The following ZNF362 variants were observed in gnomAD, a reference collection of about 807,000 sequenced individuals.
ZNF362 encodes zinc finger protein 362.
A neutral mutation model predicts 42.9 loss-of-function variants in ZNF362; 11 were observed. The ratio of observed to expected loss-of-function variants is 0.26; its 90% CI spans 0.16 to 0.42. The LOEUF (loss-of-function observed/expected upper bound fraction) is 0.42, where lower values mean the gene tolerates loss of function less well. Ranked by LOEUF, ZNF362 falls within the 20% of genes least tolerant of loss-of-function variation. ZNF362 has a pLI of 1.00. For missense variants in ZNF362, 362 were observed against 576.2 expected (o/e 0.63, Z 3.81); for synonymous variants, 255 against 257.3 (o/e 0.99, Z 0.09).
chr1:33,282,762 C>A (rs1189779196), intron 6 of ZNF362, among the ~76,000 whole-genome samples: 1 of 149,886 alleles, frequency 6.7e-6, no homozygotes, highest in Non-Finnish European at 1.5e-5. Context: ...ATGGAGGCTG[C>A]AGTGAGCCGA....
intron 8 of ZNF362, among the ~76,000 whole-genome samples, chr1:33,296,870 A>G (rs1021962961): frequency 7.4e-6 from 1 of 135,688 alleles, no homozygotes; most frequent in Non-Finnish European, 1.5e-5. Flanking sequence ...GGGTCTTGCT[A>G]TGTTGCCCAG....
chr1:33,176,343 GC>G, the ZNF362 span: 2 of 642,716 alleles, frequency 3.1e-6, no homozygotes, highest in South Asian at 1.6e-5. Flanking sequence ...TTTGAACCTA[GC>G]CCCCAGCCCC....
chr1:33,173,437 GTA>G, the ZNF362 span, among the ~76,000 whole-genome samples: 1 of 152,148 alleles, frequency 6.6e-6, no homozygotes, highest in East Asian at 1.9e-4. Flanking sequence ...GTGTATGTGT[GTA>G]TGTGTGTGTG....
chr1:33,267,983 C>G (rs917915358), intron 1 of ZNF362, among the ~76,000 whole-genome samples: 1 of 152,198 alleles, frequency 6.6e-6, no homozygotes, highest in African/African-American at 2.4e-5. Context: ...AATACATGAG[C>G]GTGCCAATTT....
At chr1:33,231,754 G>A in the ZNF362 span, among the ~76,000 whole-genome samples, 1 of 152,242 alleles carries the variant, frequency 6.6e-6, no homozygotes, top group African/African-American at 2.4e-5. Context: ...CTGAATGAGC[G>A]AATGATGGAT....
chr1:33,241,197 T>C, the ZNF362 span, among the ~76,000 whole-genome samples: 2 of 151,890 alleles, frequency 1.3e-5, no homozygotes, highest in Non-Finnish European at 2.9e-5. Flanking sequence ...TATCAAGCTT[T>C]AAAAAATTAT....
At chr1:33,296,208 G>A (rs188362925) in intron 8 of ZNF362, among the ~76,000 whole-genome samples, 38 of 152,314 alleles carry the variant, frequency 2.5e-4, no homozygotes, top group Admixed American at 1.6e-3. Flanking sequence ...CACTGTGGGC[G>A]CTGGCCTGCA....
the ZNF362 span, chr1:33,158,302 G>A: frequency 5.4e-5 from 87 of 1,614,082 alleles, no homozygotes; most frequent in African/African-American, 1.0e-3. Context: ...ACTGCAGGGG[G>A]CCTGTGTACT....
In ZNF362 at chr1:33,299,135, G is replaced by C; in HGVS notation, c.*89G>C. 2 of 961,736 alleles carry C rather than the reference G, an allele frequency of 2.1e-6. No homozygotes were observed. Among genetic ancestry groups the C allele is most frequent in the Non-Finnish European group, 3.2e-6 (2 of 615,564 alleles). The allele number at this position is 961,736 out of a possible 1,614,324, so 59.6% of individuals were successfully genotyped here. On this transcript the variant is annotated 3_prime_UTR_variant, in exon 9 of 9. Coordinates refer to ENST00000539719, the MANE Select transcript of ZNF362 (RefSeq NM_152493.3). ...CCAGCTCCCTCCGGGGGCCCTCCAG[G>C]AACCACCAAGCTCTCTCACGACCTT... is the stretch of plus-strand genomic sequence containing the variant.
At chr1:33,219,179 G>T in the ZNF362 span, among the ~76,000 whole-genome samples, 1 of 152,154 alleles carries the variant, frequency 6.6e-6, no homozygotes, top group Non-Finnish European at 1.5e-5. Context: ...GCTGGGGGCT[G>T]GGTGTGACAT....
the ZNF362 span, among the ~76,000 whole-genome samples, chr1:33,211,819 C>T: frequency 6.6e-6 from 1 of 152,146 alleles, no homozygotes; most frequent in African/African-American, 2.4e-5. Context: ...GGATAGTATC[C>T]TGAAGAATGT....
At chr1:33,214,427 T>A in the ZNF362 span, among the ~76,000 whole-genome samples, 2 of 152,310 alleles carry the variant, frequency 1.3e-5, no homozygotes, top group African/African-American at 4.8e-5. Flanking sequence ...TCTAGGACAT[T>A]GGTCTGGGCA....
the ZNF362 span, among the ~76,000 whole-genome samples, chr1:33,141,264 C>T: frequency 6.6e-6 from 1 of 152,040 alleles, no homozygotes; most frequent in Non-Finnish European, 1.5e-5. Flanking sequence ...CTCCTCTGAG[C>T]ACCTCCCTCC....
rs1416871455 is a variant in ZNF362, at chr1:33,299,212, G to C, written c.*166G>C. The C allele has an allele frequency of 6.7e-6, 4 of 600,874 alleles. No homozygotes were observed. Among genetic ancestry groups the C allele is most frequent in the Non-Finnish European group, 1.2e-5 (4 of 338,326 alleles). 37.2% of individuals were successfully genotyped at this position (600,874 alleles called of 1,614,324 possible). On this transcript the variant is annotated 3_prime_UTR_variant, in exon 9 of 9. Coordinates refer to ENST00000539719, the MANE Select transcript of ZNF362 (RefSeq NM_152493.3). Reference sequence around the variant, plus strand: ...CAGAAGCCCTGCCTGGTCCAGTCCGGGGGCGGCCAGGCCAACTGCAAGATT... The same window carrying C: ...CAGAAGCCCTGCCTGGTCCAGTCCGCGGGCGGCCAGGCCAACTGCAAGATT...
the ZNF362 span, among the ~76,000 whole-genome samples, chr1:33,135,027 C>T: frequency 6.6e-6 from 1 of 152,194 alleles, no homozygotes; most frequent in Non-Finnish European, 1.5e-5. Flanking sequence ...TGGCTCATGC[C>T]TATAATCCCA....
the ZNF362 span, chr1:33,165,626 C>T: frequency 4.8e-6 from 7 of 1,447,310 alleles, no homozygotes; most frequent in African/African-American, 8.5e-5. The surrounding 1 kb of genome is among the most constrained non-coding windows in gnomAD (Gnocchi z 4.0). Context: ...GGCATTCAGC[C>T]CTGACCACTG....
intron 8 of ZNF362, among the ~76,000 whole-genome samples, chr1:33,295,727 A>G (rs972635587): frequency 1.3e-5 from 2 of 152,174 alleles, no homozygotes; most frequent in African/African-American, 2.4e-5. Context: ...GCAGCCCGGA[A>G]AGCTCAGAGC....
chr1:33,270,469 G>A lies in ZNF362; in HGVS notation c.-88-18G>A, dbSNP rs1211213587. The stretch of plus-strand genomic sequence containing the variant: ...TATTATTATTGTTATTATTGTTATT[G>A]TTATTCCCATATACAAGGTGCTGTT... On this transcript the variant is annotated intron_variant, in intron 1 of 8. Coordinates refer to ENST00000539719, the MANE Select transcript of ZNF362 (RefSeq NM_152493.3). 11 of 671,880 alleles carry A rather than the reference G, an allele frequency of 1.6e-5. No homozygotes were observed. Among genetic ancestry groups the A allele is most frequent in the South Asian group, 7.2e-5 (4 of 55,526 alleles). The allele number at this position is 671,880 out of a possible 1,614,324, so 41.6% of individuals were successfully genotyped here.
chr1:33,140,506 C>T, the ZNF362 span, among the ~76,000 whole-genome samples: 1 of 152,188 alleles, frequency 6.6e-6, no homozygotes, highest in East Asian at 1.9e-4. This position sits in a 1 kb window ranked among gnomAD's most constrained non-coding sequence, Gnocchi z 4.0. Context: ...GGGGCTCAGC[C>T]TGCAGGGAGT....
Sources: allele counts gnomAD v4.1 joint callset (sites outside exome capture counted in the v4.1 genomes callset), GRCh38; gene constraint gnomAD v4.1.1; non-coding constraint Gnocchi (gnomAD v3.1); transcripts MANE v1.5; gene names NCBI Gene and HGNC (gene_info 2026-07-23, HGNC 2026-07-21).